Variants in GDPD4 observed in about 807,000 individuals in gnomAD.
GDPD4 encodes the protein glycerophosphodiester phosphodiesterase domain containing 4, also known as glycerophosphodiester phosphodiesterase 6.
A neutral mutation model predicts 67.8 loss-of-function variants in GDPD4; 60 were observed. The observed-to-expected ratio is 0.88, with a 90% CI of 0.72 to 1.10. The LOEUF is 1.10. GDPD4 is among the 50% of genes least tolerant of loss of function. The pLI is 0.00. For synonymous variants in GDPD4, 212 were observed against 210.9 expected (o/e 1.00, Z -0.04); for missense variants, 623 against 613.9 (o/e 1.01, Z -0.16).
At chr11:77,232,176 G>A (rs1958468462) in intron 14 of GDPD4, among the ~76,000 whole-genome samples, 1 of 152,200 alleles carries the variant, frequency 6.6e-6, no homozygotes, top group Admixed American at 6.5e-5. Flanking sequence ...TAATTCTGAA[G>A]TGAGGCTTTT....
intron 11 of GDPD4, among the ~76,000 whole-genome samples, chr11:77,256,784 C>G (rs761640437): frequency 6.6e-6 from 1 of 152,200 alleles, no homozygotes; most frequent in Non-Finnish European, 1.5e-5. Flanking sequence ...ATATGACATG[C>G]CTTGCTCCCC....
chr11:77,234,757 G>A (rs144850639), intron 13 of GDPD4, among the ~76,000 whole-genome samples: 35 of 152,284 alleles, frequency 2.3e-4, no homozygotes, highest in African/African-American at 6.7e-4. Context: ...CTGATGGGCA[G>A]TTAGGTTGAT....
In GDPD4 at chr11:77,217,140, T is replaced by C; in HGVS notation, c.*137A>G. ...GCATTCTTGATAGGTAGTAGTTTCT[T>C]GGATGGTGCTGCAAAATTGAAATGG... is the stretch of plus-strand genomic sequence containing the variant. On this transcript the variant is annotated 3_prime_UTR_variant, in exon 17 of 17. Coordinates refer to ENST00000315938, the MANE Select transcript of GDPD4 (RefSeq NM_182833.3). 1 of 751,088 alleles carries C rather than the reference T, an allele frequency of 1.3e-6. No homozygotes were observed. Among genetic ancestry groups the C allele is most frequent in the South Asian group, 1.4e-5 (1 of 70,732 alleles). The allele number at this position is 751,088 out of a possible 1,614,324, so 46.5% of individuals were successfully genotyped here.
rs1958724643 is a variant in GDPD4, at chr11:77,243,826, T to C, written c.1109A>G (p.Asp370Gly). ...AGCCACGGACCTGACGTATTGCCTA[T>C]CATGAGCTGGCAACCAAAAAATCTC... The part of the protein sequence containing the change: ...QHLIFWLPAH[D>G]RQYVRSVAPG... Residue 370 changes from aspartate to glycine, a missense_variant, in exon 13 of 17, where the codon GAT becomes GGT. By Grantham distance (94) the Asp-to-Gly change is moderately conservative. Coordinates refer to ENST00000315938, the MANE Select transcript of GDPD4 (RefSeq NM_182833.3). 6.2e-7 allele frequency: 1 copy of C among 1,613,176 alleles called. No homozygotes were observed. The highest frequency in any genetic ancestry group is 8.5e-7 in the Non-Finnish European group (1 of 1,179,642).
intron 4 of GDPD4, among the ~76,000 whole-genome samples, chr11:77,276,806 T>G (rs1959490005): frequency 6.6e-6 from 1 of 152,220 alleles, no homozygotes; most frequent in Non-Finnish European, 1.5e-5. Context: ...TAATGATAAT[T>G]TGATGTGTAA....
intron 12 of GDPD4, among the ~76,000 whole-genome samples, chr11:77,244,107 C>A (rs1221525067): frequency 6.6e-6 from 1 of 152,210 alleles, no homozygotes; most frequent in Non-Finnish European, 1.5e-5. Context: ...GCTCCGCCAC[C>A]CGGGTTCATA....
intron 7 of GDPD4, 61 bp downstream of exon 7, chr11:77,271,069 G>T: frequency 8.8e-7 from 1 of 1,132,906 alleles, no homozygotes; most frequent in Non-Finnish European, 1.3e-6. Flanking sequence ...TTCCTGAGTG[G>T]AGTATGCAAG....
Position 77,216,973 on chromosome 11 carries a change from C to G in GDPD4, c.*304G>C. On this transcript the variant is annotated 3_prime_UTR_variant, in exon 17 of 17. Coordinates refer to ENST00000315938, the MANE Select transcript of GDPD4 (RefSeq NM_182833.3). The stretch of plus-strand genomic sequence containing the variant: ...GGACCTCTATGGAGGGCATGGTTGG[C>G]TTATCCACCTTCAGGGTGGGCAATG... 3 of 702,964 alleles carry G rather than the reference C, an allele frequency of 4.3e-6. No homozygotes were observed. The highest frequency in any genetic ancestry group is 7.8e-6 in the Non-Finnish European group (3 of 385,000). 43.5% of individuals were successfully genotyped at this position (702,964 alleles called of 1,614,324 possible).
At chr11:77,250,397 T>C (rs1215837762) in intron 11 of GDPD4, among the ~76,000 whole-genome samples, 1 of 152,256 alleles carries the variant, frequency 6.6e-6, no homozygotes, top group Non-Finnish European at 1.5e-5. Context: ...GCTGCATCCA[T>C]GTTGCTGCAA....
intron 16 of GDPD4, among the ~76,000 whole-genome samples, chr11:77,224,679 G>A (rs184834548): frequency 1.8e-4 from 27 of 152,308 alleles, no homozygotes; most frequent in Non-Finnish European, 3.2e-4. Context: ...CCTCAAATAA[G>A]ATTGTAGCCC....
intron 13 of GDPD4, among the ~76,000 whole-genome samples, chr11:77,243,261 T>C (rs2135842574): frequency 6.6e-6 from 1 of 152,306 alleles, no homozygotes; most frequent in Non-Finnish European, 1.5e-5. Flanking sequence ...AGTTTTGTTA[T>C]ATTCTTAATT....
chr11:77,293,797 G>A (rs1454793086), intron 1 of GDPD4, among the ~76,000 whole-genome samples: 1 of 152,162 alleles, frequency 6.6e-6, no homozygotes, highest in Non-Finnish European at 1.5e-5. Flanking sequence ...ACTTAATAGT[G>A]AAAGATTGAT....
In GDPD4 at chr11:77,258,374, A is replaced by C; in HGVS notation, c.864+12T>G. ...TCAATGCAGGTTTGTGGAACTTGGG[A>C]ATGTGTCTTACCTCTGGTTTTACAA... On this transcript the variant is annotated intron_variant, in intron 11 of 16. Coordinates refer to ENST00000315938, the MANE Select transcript of GDPD4 (RefSeq NM_182833.3). The C allele has an allele frequency of 6.2e-7, 1 of 1,613,332 alleles. No individual in the cohort carries two copies. Among genetic ancestry groups the C allele is most frequent in the Non-Finnish European group, 8.5e-7 (1 of 1,179,328 alleles).
chr11:77,270,178 GAGA>G (rs1164860362), intron 7 of GDPD4, among the ~76,000 whole-genome samples: 1 of 152,168 alleles, frequency 6.6e-6, no homozygotes, highest in Admixed American at 6.5e-5. Context: ...GAGACCCAGA[GAGA>G]AGAAGGTCCT....
At chr11:77,258,663 T>C in intron 10 of GDPD4, 121 bp from the exon 11 acceptor site, 1 of 811,988 alleles carries the variant, frequency 1.2e-6, no homozygotes, top group Non-Finnish European at 2.0e-6. Context: ...TTACTCCCTC[T>C]CAAATCTTAG....
chr11:77,243,944 T>C (rs1447608647), intron 12 of GDPD4, 96 bp from the exon 13 acceptor site: 7 of 778,012 alleles, frequency 9.0e-6, no homozygotes, highest in Admixed American at 2.3e-5. Context: ...CCAGCACAGG[T>C]AGTATTCTAC....
intron 10 of GDPD4, among the ~76,000 whole-genome samples, chr11:77,263,519 C>G (rs1390245072): frequency 6.6e-6 from 1 of 151,888 alleles, no homozygotes. Context: ...CAAAAGGAGG[C>G]AGGAAAGGAG....
At chr11:77,296,552 C>A (rs963888822) in intron 1 of GDPD4, among the ~76,000 whole-genome samples, 3 of 151,026 alleles carry the variant, frequency 2.0e-5, no homozygotes, top group African/African-American at 7.3e-5. Context: ...GAACTCCTGA[C>A]CTCAAGTAAC....
At chr11:77,259,816 A>G (rs569955113) in intron 10 of GDPD4, among the ~76,000 whole-genome samples, 1 of 152,358 alleles carries the variant, frequency 6.6e-6, no homozygotes, top group African/African-American at 2.4e-5. Flanking sequence ...CCATAAGTGT[A>G]TGGCTAAATA....
Sources: gnomAD v4.1 joint callset for allele counts (sites outside exome capture counted in the v4.1 genomes callset) on GRCh38, gnomAD v4.1.1 for gene constraint, MANE v1.5 for transcripts, NCBI Gene and HGNC (gene_info 2026-07-23, HGNC 2026-07-21) for gene names.